The following TENM1 variants were observed in gnomAD, a reference collection of about 807,000 sequenced individuals.
TENM1 encodes the protein teneurin transmembrane protein 1.
In TENM1, 35 loss-of-function variants were observed where a neutral mutation model predicts 174.8. That is an observed-to-expected ratio of 0.20 (90% confidence interval 0.15 to 0.27). The LOEUF (loss-of-function observed/expected upper bound fraction) is 0.27, where lower values mean the gene tolerates loss of function less well. Among genes scored for constraint, TENM1 ranks in the 10% least tolerant of loss-of-function variants. TENM1 has a pLI of 1.00. For missense variants in TENM1, 1,633 were observed against 2,130.1 expected, an observed-to-expected ratio of 0.77 and a Z score of 4.59; for synonymous variants, 781 against 798.7, an observed-to-expected ratio of 0.98 and a Z score of 0.37.
intron 1 of TENM1, among the ~76,000 whole-genome samples, chrX:124,944,259 A>G (rs2058370372): frequency 9.0e-6 from 1 of 111,504 alleles, no homozygotes; most frequent in African/African-American, 3.2e-5. Context: ...TTTATTATCT[A>G]CCCTGATGTA....
Position 124,583,297 on chromosome X carries a change from G to C in TENM1, c.2078-17737C>G, listed in dbSNP as rs186250963. On this transcript the variant is annotated intron_variant, in intron 11 of 31. Transcript: ENST00000422452. ...TGGGAGGCACCCCCCAGTAGGGGCA[G>C]ACTGACATCTCACACGGCCGGGTAC... Among the ~76,000 whole-genome samples the C allele has an allele frequency of 4.2e-3, 468 of 111,474 alleles. 3 individuals carry two copies. Among genetic ancestry groups the C allele is most frequent in the Admixed American group, 0.033 (347 of 10,556 alleles).
At chrX:124,394,595 C>A (rs2060314693) in intron 27 of TENM1, among the ~76,000 whole-genome samples, 1 of 111,897 alleles carries the variant, frequency 8.9e-6, no homozygotes, top group African/African-American at 3.2e-5. Context: ...AAAGAGATAA[C>A]TTTTTCATGG....
At chrX:124,679,740 A>T (rs146113242) in intron 5 of TENM1, among the ~76,000 whole-genome samples, 1,321 of 111,866 alleles carry the variant, frequency 0.012, 16 homozygotes, top group African/African-American at 0.04. Context: ...AGTTTCAGAG[A>T]AGCATTTTTC....
chrX:124,748,164 G>A (rs1489683080), intron 3 of TENM1, among the ~76,000 whole-genome samples: 4 of 111,173 alleles, frequency 3.6e-5, no homozygotes, highest in Non-Finnish European at 5.7e-5. Context: ...TGTCACTTAG[G>A]CTTACTGACC....
intron 3 of TENM1, among the ~76,000 whole-genome samples, chrX:124,848,692 TAA>T (rs1019785593): frequency 2.7e-5 from 3 of 110,029 alleles, no homozygotes; most frequent in Non-Finnish European, 3.8e-5. Context: ...CTCATAAAAG[TAA>T]AAAATGGGAA....
the TENM1 span, among the ~76,000 whole-genome samples, chrX:124,970,220 CCCT>C: frequency 9.0e-6 from 1 of 111,728 alleles, no homozygotes; most frequent in Non-Finnish European, 1.9e-5. Flanking sequence ...TCCTGGTTTA[CCCT>C]CAGAAAATAC....
intron 22 of TENM1, among the ~76,000 whole-genome samples, chrX:124,476,218 T>A (rs1044145889): frequency 8.9e-6 from 1 of 111,945 alleles, no homozygotes; most frequent in Non-Finnish European, 1.9e-5. Context: ...AGCCTTAGCA[T>A]CTTTCCATTA....
intron 3 of TENM1, among the ~76,000 whole-genome samples, chrX:124,785,250 T>C (rs1034785143): frequency 1.8e-5 from 2 of 112,058 alleles, no homozygotes; most frequent in Non-Finnish European, 3.8e-5. Flanking sequence ...TAAGCTGATA[T>C]GGTAATAGTT....
At chrX:125,175,820 G>T in the TENM1 span, among the ~76,000 whole-genome samples, 4 of 111,810 alleles carry the variant, frequency 3.6e-5, no homozygotes, top group Non-Finnish European at 7.6e-5. Flanking sequence ...TACTATTGTA[G>T]AGTGCTTAGC....
At chrX:125,001,848 TAGATAC>T in the TENM1 span, among the ~76,000 whole-genome samples, 2 of 86,322 alleles carry the variant, frequency 2.3e-5, no homozygotes, top group African/African-American at 9.3e-5. Flanking sequence ...AAACTATAGA[TAGATAC>T]ACACACACAC....
chrX:124,756,780 C>A (rs2054259748), intron 3 of TENM1, among the ~76,000 whole-genome samples: 1 of 112,123 alleles, frequency 8.9e-6, no homozygotes, highest in Non-Finnish European at 1.9e-5. Flanking sequence ...GCCTGGGTAC[C>A]AGCAGCAGTG....
chrX:125,090,310 CACAA>C, the TENM1 span, among the ~76,000 whole-genome samples: 22 of 111,400 alleles, frequency 2.0e-4, no homozygotes, highest in African/African-American at 6.5e-4. Flanking sequence ...CAGAAAGGCA[CACAA>C]ACAGATAATT....
chrX:124,442,113 A>AC (rs1431618809), intron 23 of TENM1, among the ~76,000 whole-genome samples: 2 of 111,564 alleles, frequency 1.8e-5, no homozygotes, highest in Non-Finnish European at 3.8e-5. Flanking sequence ...TCTACCTGTA[A>AC]CTCACTCTTT....
At chrX:124,612,612 T>C (rs1217314139) in intron 11 of TENM1, among the ~76,000 whole-genome samples, 1 of 111,604 alleles carries the variant, frequency 9.0e-6, no homozygotes, top group Non-Finnish European at 1.9e-5. Context: ...TTTCTTGTGC[T>C]ATGCGTTTAA....
chrX:125,186,200 A>C, the TENM1 span, among the ~76,000 whole-genome samples: 5 of 110,996 alleles, frequency 4.5e-5, no homozygotes, highest in Non-Finnish European at 9.4e-5. Context: ...TATTTCTCAA[A>C]CAACTCTGTT....
chrX:125,014,276 C>T, the TENM1 span, among the ~76,000 whole-genome samples: 1 of 112,081 alleles, frequency 8.9e-6, no homozygotes, highest in African/African-American at 3.2e-5. Context: ...AAAACAAATG[C>T]AAGATATTAT....
intron 22 of TENM1, among the ~76,000 whole-genome samples, chrX:124,476,790 G>T (rs1340112376): frequency 8.9e-6 from 1 of 112,405 alleles, no homozygotes; most frequent in Non-Finnish European, 1.9e-5. Context: ...TAGAATTAAA[G>T]AAAGTTGCAG....
intron 11 of TENM1, among the ~76,000 whole-genome samples, chrX:124,573,652 G>A (rs2049105041): frequency 8.9e-6 from 1 of 112,023 alleles, no homozygotes; most frequent in Non-Finnish European, 1.9e-5. Flanking sequence ...ATTCAGCACA[G>A]TAAGAATCCA....
chrX:124,987,074 C>T, the TENM1 span, among the ~76,000 whole-genome samples: 3 of 111,654 alleles, frequency 2.7e-5, no homozygotes, highest in East Asian at 2.8e-4. Context: ...TGGTCTCTGG[C>T]GTGCTCGGAG....
Sources: allele counts gnomAD v4.1 joint callset (sites outside exome capture counted in the v4.1 genomes callset), GRCh38; gene constraint gnomAD v4.1.1; transcripts MANE v1.5; gene names NCBI Gene and HGNC (gene_info 2026-07-23, HGNC 2026-07-21).